The following NF1 variants were observed in gnomAD, a reference collection of about 807,000 sequenced individuals.
NF1 encodes the protein neurofibromin.
NF1 carries 122 observed loss-of-function variants against 325.7 expected under a neutral mutation model. The ratio of observed to expected loss-of-function variants is 0.37; its 90% CI spans 0.32 to 0.44. NF1 has a LOEUF of 0.44. Ranked by LOEUF, NF1 falls within the 20% of genes least tolerant of loss-of-function variation. NF1 has a pLI of 1.00. For synonymous variants in NF1, 1,091 were observed against 1,186.0 expected (o/e 0.92, Z 1.65); for missense variants, 2,140 against 3,415.4 (o/e 0.63, Z 9.31).
intron 39 of NF1, 114 bp downstream of exon 39, chr17:31,330,612 T>A (rs780070243): frequency 6.0e-6 from 5 of 837,434 alleles, no homozygotes; most frequent in Non-Finnish European, 9.2e-6. Flanking sequence ...TTACTTTTTT[T>A]CCTCTTCTGA....
Position 31,375,025 on chromosome 17 carries a change from TATA to T in NF1, c.*871_*873del, listed in dbSNP as rs1269038642. On this transcript the variant is annotated 3_prime_UTR_variant, in exon 58 of 58. Transcript: ENST00000358273. ...TAAGTATAGTAATTATATATATATA[TATA>T]TTTTTTCCCCTCCCCCTCTTCTTTC... 2.5e-5 allele frequency: 5 copies of T among 201,216 alleles called. No individual in the cohort carries two copies. Among genetic ancestry groups the T allele is most frequent in the East Asian group, 1.5e-4 (2 of 13,302 alleles). 12.5% of individuals were successfully genotyped at this position (201,216 alleles called of 1,614,324 possible).
In NF1 at chr17:31,323,024, C is replaced by T. The variant is rs887581899; in HGVS notation, c.4836-2796C>T. Among the ~76,000 whole-genome samples, 9 of 152,030 alleles carry T rather than the reference C, an allele frequency of 5.9e-5. 1 individual carries two copies. The highest frequency in any genetic ancestry group is 1.3e-4 in the Non-Finnish European group (9 of 68,020). On this transcript the variant is annotated intron_variant, in intron 36 of 57. Transcript: ENST00000358273. Reference sequence around the variant, plus strand: ...CCCTTTCTTTAAGGGAAAATAAAACCGGTTGAACAGTTCCCTAATACATAC... The same window carrying T: ...CCCTTTCTTTAAGGGAAAATAAAACTGGTTGAACAGTTCCCTAATACATAC...
chr17:31,364,597 G>A (rs2070473562), intron 57 of NF1, among the ~76,000 whole-genome samples: 1 of 152,180 alleles, frequency 6.6e-6, no homozygotes, highest in Non-Finnish European at 1.5e-5. Context: ...GAGGAGAAGT[G>A]GTAGTCACTT....
At chr17:31,261,974 C>A in intron 35 of NF1, 117 bp downstream of exon 35, 1 of 973,366 alleles carries the variant, frequency 1.0e-6, no homozygotes, top group Non-Finnish European at 1.6e-6. Context: ...ATTTAATAAT[C>A]ACATTGCCAT....
chr17:31,333,052 G>A (rs1448657361), intron 39 of NF1, among the ~76,000 whole-genome samples: 2 of 152,036 alleles, frequency 1.3e-5, no homozygotes, highest in Admixed American at 1.3e-4. Flanking sequence ...ACATAGTGAG[G>A]CCCCCATCTC....
At chr17:31,313,954 C>T in intron 36 of NF1, 1 of 397,750 alleles carries the variant, frequency 2.5e-6, no homozygotes, top group Non-Finnish European at 4.4e-6. Flanking sequence ...CAAGATCAAA[C>T]CAAATTGTGT....
At chr17:31,119,622 C>T (rs1914261758) in intron 1 of NF1, among the ~76,000 whole-genome samples, 1 of 152,072 alleles carries the variant, frequency 6.6e-6, no homozygotes, top group Non-Finnish European at 1.5e-5. Flanking sequence ...AATTAGATCC[C>T]ATTTGTCAAT....
chr17:31,175,345 CTTTTTTTTTTTTT>C (rs869113407), intron 5 of NF1, among the ~76,000 whole-genome samples: 5 of 71,350 alleles, frequency 7.0e-5, no homozygotes, highest in African/African-American at 2.9e-4. Flanking sequence ...TGTGCTTTTG[CTTTTTTTTTTTTT>C]TTTTTTTTTT....
intron 57 of NF1, among the ~76,000 whole-genome samples, chr17:31,366,352 T>A (rs897391954): frequency 2.0e-5 from 3 of 152,240 alleles, no homozygotes; most frequent in African/African-American, 4.8e-5. Flanking sequence ...TCATCGTTAC[T>A]TTAGACTCCC....
At chr17:31,339,410 T>G (rs761381374) in intron 46 of NF1, among the ~76,000 whole-genome samples, 17 of 152,184 alleles carry the variant, frequency 1.1e-4, no homozygotes, top group Non-Finnish European at 2.2e-4. Flanking sequence ...GGAAATCATG[T>G]TTTTGTATTA....
At chr17:31,120,585 A>G (rs977927226) in intron 1 of NF1, among the ~76,000 whole-genome samples, 1 of 152,136 alleles carries the variant, frequency 6.6e-6, no homozygotes, top group Non-Finnish European at 1.5e-5. Flanking sequence ...TTCCTATTCA[A>G]ATACCCTTTA....
intron 35 of NF1, among the ~76,000 whole-genome samples, chr17:31,262,236 G>A (rs1380846332): frequency 6.6e-6 from 1 of 152,116 alleles, no homozygotes; most frequent in East Asian, 1.9e-4. Flanking sequence ...TTAAGTGCAG[G>A]ACTTCTCTAC....
chr17:31,356,918 TATCCAGGTGTTTGATC>T, intron 52 of NF1, 26 bp from the exon 53 acceptor site: 1 of 1,611,986 alleles, frequency 6.2e-7, no homozygotes, highest in Non-Finnish European at 8.5e-7. Context: ...GTGAAGTGAT[TATCCAGGTGTTTGATC>T]ACGTTAATTC....
chr17:31,227,322 CAGG>C, intron 19 of NF1, 31 bp downstream of exon 19: 1 of 1,607,266 alleles, frequency 6.2e-7, no homozygotes, highest in Non-Finnish European at 8.5e-7. Flanking sequence ...ACACCCCTCC[CAGG>C]CGCCCACCCT....
intron 39 of NF1, among the ~76,000 whole-genome samples, chr17:31,332,514 A>G (rs1319589581): frequency 6.6e-6 from 1 of 152,118 alleles, no homozygotes; most frequent in Non-Finnish European, 1.5e-5. Context: ...TAAAATCCTT[A>G]ATCATGAAGG....
At chr17:31,185,901 C>T (rs2066229879) in intron 8 of NF1, among the ~76,000 whole-genome samples, 2 of 152,166 alleles carry the variant, frequency 1.3e-5, no homozygotes, top group Non-Finnish European at 2.9e-5. Flanking sequence ...GCGGAGGCCT[C>T]TAGGATTTTG....
chr17:31,260,159 A>T (rs1163747030), intron 33 of NF1, among the ~76,000 whole-genome samples: 1 of 152,144 alleles, frequency 6.6e-6, no homozygotes, highest in Admixed American at 6.5e-5. Flanking sequence ...TTCAGAGCCT[A>T]CTTTGAAGCT....
intron 4 of NF1, among the ~76,000 whole-genome samples, chr17:31,164,298 C>G (rs971807727): frequency 2.6e-5 from 4 of 152,130 alleles, no homozygotes; most frequent in African/African-American, 9.7e-5. Flanking sequence ...ATTGATGACT[C>G]AAAATCATCC....
chr17:31,141,090 C>T (rs1256190710), intron 1 of NF1, among the ~76,000 whole-genome samples: 1 of 152,100 alleles, frequency 6.6e-6, no homozygotes, highest in East Asian at 1.9e-4. Context: ...AATTTAGCTG[C>T]TTGTAACACT....
Sources: gnomAD v4.1 joint callset for allele counts (sites outside exome capture counted in the v4.1 genomes callset) on GRCh38, gnomAD v4.1.1 for gene constraint, MANE v1.5 for transcripts, NCBI Gene and HGNC (gene_info 2026-07-23, HGNC 2026-07-21) for gene names.